The following REC114 variants were observed in gnomAD, a reference collection of about 807,000 sequenced individuals.
The protein encoded by REC114 is REC114 meiotic recombination protein, also known as meiotic recombination protein REC114.
In REC114, 27 loss-of-function variants were observed where a neutral mutation model predicts 31.3. The observed-to-expected ratio is 0.86, with a 90% CI of 0.64 to 1.19. The LOEUF is 1.19. Ranked by LOEUF, REC114 falls within the 50% of genes most tolerant of loss-of-function variation. The probability of loss-of-function intolerance (pLI) is 0.00; values close to 1 mark genes in which losing one functional copy is unlikely to be tolerated. For synonymous variants in REC114, 134 were observed against 127.7 expected (o/e 1.05, Z -0.33); for missense variants, 344 against 326.9 (o/e 1.05, Z -0.40).
intron 3 of REC114, among the ~76,000 whole-genome samples, chr15:73,549,669 C>A (rs1266427312): frequency 6.6e-6 from 1 of 151,746 alleles, no homozygotes; most frequent in African/African-American, 2.4e-5. Flanking sequence ...TTTTATACAC[C>A]CACAGATATA....
intron 1 of REC114, among the ~76,000 whole-genome samples, chr15:73,466,654 G>A (rs867087494): frequency 4.6e-5 from 7 of 152,102 alleles, no homozygotes; most frequent in African/African-American, 1.4e-4. Flanking sequence ...CCCTCTTAAC[G>A]TTCTTTAGTT....
At chr15:73,472,804 T>C (rs1262924320) in intron 1 of REC114, among the ~76,000 whole-genome samples, 1 of 152,042 alleles carries the variant, frequency 6.6e-6, no homozygotes, top group Non-Finnish European at 1.5e-5. Flanking sequence ...CAAGATAAAA[T>C]ATAATGGGGC....
At chr15:73,482,331 A>G (rs984724741) in intron 2 of REC114, among the ~76,000 whole-genome samples, 1 of 152,164 alleles carries the variant, frequency 6.6e-6, no homozygotes, top group Non-Finnish European at 1.5e-5. Flanking sequence ...TTCATGCAAG[A>G]TCTGGTTGTT....
intron 2 of REC114, among the ~76,000 whole-genome samples, chr15:73,496,589 G>A (rs1893529579): frequency 1.3e-5 from 2 of 150,374 alleles, no homozygotes; most frequent in South Asian, 4.2e-4. Flanking sequence ...GGAGGTGGAG[G>A]TTGCAGTGAG....
chr15:73,505,044 T>A (rs1893655861), intron 2 of REC114, among the ~76,000 whole-genome samples: 1 of 152,098 alleles, frequency 6.6e-6, no homozygotes, highest in Non-Finnish European at 1.5e-5. Flanking sequence ...GTGACCTTTT[T>A]TTTTCCTTAT....
intron 1 of REC114, among the ~76,000 whole-genome samples, chr15:73,460,424 C>G (rs1892974370): frequency 6.6e-6 from 1 of 152,076 alleles, no homozygotes; most frequent in Non-Finnish European, 1.5e-5. Context: ...AAAGAGCTAG[C>G]CAATTAAGCT....
chr15:73,464,973 C>A (rs141192719), intron 1 of REC114, among the ~76,000 whole-genome samples: 2 of 152,138 alleles, frequency 1.3e-5, no homozygotes, highest in Non-Finnish European at 2.9e-5. Context: ...CTCACTGCAA[C>A]CTCTGCCTCC....
chr15:73,492,406 A>C (rs1893459155), intron 2 of REC114, among the ~76,000 whole-genome samples: 1 of 152,106 alleles, frequency 6.6e-6, no homozygotes, highest in South Asian at 2.1e-4. Flanking sequence ...TGTTTGAGCA[A>C]TCTCAAATTT....
At chr15:73,459,233 CTT>C (rs71442387) in intron 1 of REC114, among the ~76,000 whole-genome samples, 10 of 142,608 alleles carry the variant, frequency 7.0e-5, no homozygotes, top group Non-Finnish European at 7.7e-5. Context: ...TTTCTTTTTT[CTT>C]TTTTTTTTTT....
chr15:73,499,236 A>G (rs1018930250), intron 2 of REC114, among the ~76,000 whole-genome samples: 1 of 151,978 alleles, frequency 6.6e-6, no homozygotes, highest in Non-Finnish European at 1.5e-5. Flanking sequence ...CAGAAAGTGC[A>G]ATTACTTTTG....
chr15:73,473,285 A>G (rs191247393), intron 1 of REC114, among the ~76,000 whole-genome samples: 2 of 152,266 alleles, frequency 1.3e-5, no homozygotes, highest in African/African-American at 4.8e-5. Context: ...GCTACTCGCG[A>G]GGCTGAGGCA....
chr15:73,534,311 G>A (rs1383668485), intron 2 of REC114, among the ~76,000 whole-genome samples: 1 of 152,036 alleles, frequency 6.6e-6, no homozygotes, highest in East Asian at 1.9e-4. Flanking sequence ...AAAGAGAGAA[G>A]AATCAAATAG....
intron 2 of REC114, among the ~76,000 whole-genome samples, chr15:73,476,135 GAC>G (rs1468047069): frequency 6.6e-6 from 1 of 152,080 alleles, no homozygotes; most frequent in Non-Finnish European, 1.5e-5. Flanking sequence ...ATCACCTAAT[GAC>G]ACATTTCTTA....
intron 3 of REC114, 40 bp downstream of exon 3, chr15:73,540,608 A>G (rs774721488): frequency 3.3e-6 from 5 of 1,533,414 alleles, no homozygotes; most frequent in Admixed American, 1.7e-5. Context: ...CTCATCTTCT[A>G]TGTGTGTATG....
intron 2 of REC114, among the ~76,000 whole-genome samples, chr15:73,518,906 G>A (rs909949902): frequency 6.6e-6 from 1 of 152,182 alleles, no homozygotes; most frequent in Non-Finnish European, 1.5e-5. Flanking sequence ...TATTTTTGCT[G>A]CATGTGCTGC....
At chr15:73,516,418 AAC>A (rs1489287413) in intron 2 of REC114, among the ~76,000 whole-genome samples, 1 of 152,186 alleles carries the variant, frequency 6.6e-6, no homozygotes, top group Non-Finnish European at 1.5e-5. Flanking sequence ...AAAAGTCTAG[AAC>A]AAGAGAAACA....
At chr15:73,511,303 T>G (rs1353678915) in intron 2 of REC114, among the ~76,000 whole-genome samples, 1 of 151,964 alleles carries the variant, frequency 6.6e-6, no homozygotes, top group Non-Finnish European at 1.5e-5. Context: ...CCTTTATCAT[T>G]TTTTATTGTG....
chr15:73,475,345 T>C (rs1458401186), intron 2 of REC114, among the ~76,000 whole-genome samples: 1 of 152,218 alleles, frequency 6.6e-6, no homozygotes, highest in Non-Finnish European at 1.5e-5. Flanking sequence ...GCATGTTGCA[T>C]ATACAGTCAT....
At chr15:73,502,300 A>G (rs1212694283) in intron 2 of REC114, among the ~76,000 whole-genome samples, 7 of 152,204 alleles carry the variant, frequency 4.6e-5, no homozygotes, top group Non-Finnish European at 1.0e-4. Context: ...CCATGGTAAC[A>G]TCACCTTATT....
Sources: allele counts gnomAD v4.1 joint callset (sites outside exome capture counted in the v4.1 genomes callset), GRCh38; gene constraint gnomAD v4.1.1; transcripts MANE v1.5; gene names NCBI Gene and HGNC (gene_info 2026-07-23, HGNC 2026-07-21).